The following NFIB variants were observed in gnomAD, a reference collection of about 807,000 sequenced individuals.
NFIB encodes nuclear factor 1 B-type.
A neutral mutation model predicts 61.5 loss-of-function variants in NFIB; 11 were observed. That is an observed-to-expected ratio of 0.18 (90% CI 0.11 to 0.30). The LOEUF is 0.30. Among genes scored for constraint, NFIB ranks in the 10% least tolerant of loss-of-function variants. The pLI is 1.00. For synonymous variants in NFIB, 260 were observed against 216.5 expected (o/e 1.20, Z -1.76); for missense variants, 471 against 608.9 (o/e 0.77, Z 2.38).
intron 4 of NFIB, among the ~76,000 whole-genome samples, chr9:14,150,649 T>G (rs575601988): frequency 6.6e-6 from 1 of 152,070 alleles, no homozygotes; most frequent in South Asian, 2.1e-4. Context: ...TTGCACTACC[T>G]AGGCTCTCGA....
At chr9:14,293,036 G>A (rs2059203191) in intron 2 of NFIB, among the ~76,000 whole-genome samples, 1 of 152,090 alleles carries the variant, frequency 6.6e-6, no homozygotes, top group Non-Finnish European at 1.5e-5. Context: ...AATTCTAAAT[G>A]GTTTGTTTGT....
intron 2 of NFIB, among the ~76,000 whole-genome samples, chr9:14,243,711 G>A (rs527501026): frequency 8.6e-5 from 13 of 151,788 alleles, no homozygotes; most frequent in South Asian, 2.1e-4. Context: ...GTAAAAGTTC[G>A]TCCTAAGAAA....
the NFIB span, among the ~76,000 whole-genome samples, chr9:14,471,722 C>T: frequency 2.0e-5 from 3 of 152,286 alleles, no homozygotes; most frequent in African/African-American, 4.8e-5. Flanking sequence ...TGTCACAGGG[C>T]CTTGGAACTC....
intron 3 of NFIB, among the ~76,000 whole-genome samples, chr9:14,166,784 T>G (rs2044844425): frequency 6.6e-6 from 1 of 152,200 alleles, no homozygotes; most frequent in Non-Finnish European, 1.5e-5. Context: ...TTGTCCTCTA[T>G]ATCAATGCTT....
chr9:14,492,090 G>A, the NFIB span, among the ~76,000 whole-genome samples: 2 of 152,132 alleles, frequency 1.3e-5, no homozygotes, highest in African/African-American at 2.4e-5. Flanking sequence ...AGAGCCGAGC[G>A]CGGTGGCTCA....
In NFIB at chr9:14,113,157, C is replaced by T. The variant is rs976876759; in HGVS notation, c.1385-76G>A. 3 of 1,333,666 alleles carry T rather than the reference C, an allele frequency of 2.2e-6. No homozygotes were observed. The African/African-American group carries it at 4.6e-5, about 20-fold the overall frequency. 82.6% of individuals were successfully genotyped at this position (1,333,666 alleles called of 1,614,324 possible). A position where few individuals can be genotyped will look rare whatever the true frequency, so the allele number is the denominator to read the frequency against. ...GAACACCCTGTCCATGTATAAGAAACCCAGAGAAGTGGGATTTGCAACCAA... is the reference window on the plus strand; with the variant it reads ...GAACACCCTGTCCATGTATAAGAAATCCAGAGAAGTGGGATTTGCAACCAA... On this transcript the variant is annotated intron_variant, in intron 9 of 10. Transcript: ENST00000380953.
chr9:14,396,415 G>A (rs764872505), intron 1 of NFIB, among the ~76,000 whole-genome samples: 4 of 152,064 alleles, frequency 2.6e-5, no homozygotes, highest in East Asian at 3.9e-4. Context: ...CTGTTGGCAC[G>A]CCTCCCATGG....
chr9:14,404,466 T>A, the NFIB span, among the ~76,000 whole-genome samples: 2 of 152,154 alleles, frequency 1.3e-5, no homozygotes, highest in African/African-American at 4.8e-5. Context: ...CACCTCCTAC[T>A]TGTTCAAAAT....
chr9:14,196,358 C>T (rs1348707193), intron 2 of NFIB, among the ~76,000 whole-genome samples: 1 of 152,018 alleles, frequency 6.6e-6, no homozygotes, highest in African/African-American at 2.4e-5. Flanking sequence ...TTATGTTTTG[C>T]CTAATTTTTC....
upstream of NFIB, among the ~76,000 whole-genome samples, chr9:14,403,231 G>T (rs1324574145): frequency 6.6e-6 from 1 of 152,134 alleles, no homozygotes; most frequent in African/African-American, 2.4e-5. Context: ...TGTAAAAGGG[G>T]TCTGATTCCT....
chr9:14,457,993 G>C, the NFIB span, among the ~76,000 whole-genome samples: 3 of 152,152 alleles, frequency 2.0e-5, no homozygotes, highest in East Asian at 5.8e-4. Flanking sequence ...TAGAAAAAGA[G>C]GGAATCCTCC....
the NFIB span, among the ~76,000 whole-genome samples, chr9:14,435,070 TCA>T: frequency 1.3e-5 from 2 of 152,248 alleles, no homozygotes; most frequent in Non-Finnish European, 2.9e-5. Flanking sequence ...CTTCCATCTC[TCA>T]CAAATACATC....
intron 7 of NFIB, among the ~76,000 whole-genome samples, chr9:14,121,205 A>C (rs2038888617): frequency 6.6e-6 from 1 of 152,244 alleles, no homozygotes; most frequent in Admixed American, 6.5e-5. Flanking sequence ...CGGAGGTTGC[A>C]GTGAGCCGAG....
At chr9:14,327,469 C>G (rs1461352992) in intron 1 of NFIB, among the ~76,000 whole-genome samples, 3 of 152,172 alleles carry the variant, frequency 2.0e-5, no homozygotes, top group Non-Finnish European at 2.9e-5. Context: ...TTCATTCCTA[C>G]TACAAACACA....
rs770203746 is a variant in NFIB, at chr9:14,086,780, GTTT to G, written c.*1526_*1528del. 6.0e-6 allele frequency: 1 copy of G among 166,996 alleles called. No homozygotes were observed. Among genetic ancestry groups the G allele is most frequent in the East Asian group, 9.8e-5 (1 of 10,256 alleles). 10.3% of individuals were successfully genotyped at this position (166,996 alleles called of 1,614,324 possible). ...TGATGTCACTTTGTTGTATTTTTTTGTTTTTTTTTTTTTGTTTTTTGTTTTTTA... is the reference window on the plus strand; with the variant it reads ...TGATGTCACTTTGTTGTATTTTTTTGTTTTTTTTTTGTTTTTTGTTTTTTA... On this transcript the variant is annotated 3_prime_UTR_variant, in exon 11 of 11. Transcript: ENST00000380953.
chr9:14,223,898 G>C (rs1229304561), intron 2 of NFIB, among the ~76,000 whole-genome samples: 1 of 152,146 alleles, frequency 6.6e-6, no homozygotes, highest in Non-Finnish European at 1.5e-5. Flanking sequence ...TATCCTATCA[G>C]CCACCCTAAC....
chr9:14,399,506 A>T (rs908648268), upstream of NFIB, among the ~76,000 whole-genome samples: 1 of 152,214 alleles, frequency 6.6e-6, no homozygotes, highest in Non-Finnish European at 1.5e-5. Context: ...GCAAGTAATC[A>T]AAATAACAGC....
chr9:14,496,139 C>T, the NFIB span, among the ~76,000 whole-genome samples: 41 of 152,270 alleles, frequency 2.7e-4, no homozygotes, highest in African/African-American at 9.9e-4. Flanking sequence ...TTGAGTATCC[C>T]TCATCTGAAA....
intron 10 of NFIB, among the ~76,000 whole-genome samples, chr9:14,097,421 C>A (rs1292960917): frequency 6.6e-6 from 1 of 152,152 alleles, no homozygotes. Flanking sequence ...AAGCTCCCCC[C>A]AGGAACTCCA....
Sources: gnomAD v4.1 joint callset for allele counts (sites outside exome capture counted in the v4.1 genomes callset) on GRCh38, gnomAD v4.1.1 for gene constraint, MANE v1.5 for transcripts, NCBI Gene and HGNC (gene_info 2026-07-23, HGNC 2026-07-21) for gene names.